Variants in B4GALT1 observed in about 807,000 individuals in gnomAD.
B4GALT1 encodes the protein N-acetyllactosamine synthase.
Under a neutral mutation model 34.9 loss-of-function variants are expected in B4GALT1, and 16 were observed. That is an observed-to-expected ratio of 0.46 (90% CI 0.31 to 0.70). The LOEUF (loss-of-function observed/expected upper bound fraction) is 0.70. Among genes scored for constraint, B4GALT1 ranks in the 30% least tolerant of loss-of-function variants. B4GALT1 has a pLI of 0.05. For missense variants in B4GALT1, 445 were observed against 530.5 expected (o/e 0.84, Z 1.58); for synonymous variants, 221 against 218.1 (o/e 1.01, Z -0.12).
At chr9:33,130,005 G>A (rs1473076807) in intron 2 of B4GALT1, among the ~76,000 whole-genome samples, 1 of 152,190 alleles carries the variant, frequency 6.6e-6, no homozygotes, top group Non-Finnish European at 1.5e-5. Flanking sequence ...AGGTTTAAAA[G>A]AGGAAGTAAC....
chr9:33,107,536 C>T (rs942398582), downstream of B4GALT1, among the ~76,000 whole-genome samples: 2 of 152,202 alleles, frequency 1.3e-5, no homozygotes, highest in African/African-American at 4.8e-5. Context: ...GGCCCCTTGG[C>T]CCTGCCTCCA....
At chr9:33,132,888 T>TTTTA (rs577132429) in intron 2 of B4GALT1, among the ~76,000 whole-genome samples, 21 of 152,070 alleles carry the variant, frequency 1.4e-4, no homozygotes, top group East Asian at 3.8e-4. Context: ...CAAGTATATA[T>TTTTA]TTTATTTATT....
intron 2 of B4GALT1, among the ~76,000 whole-genome samples, chr9:33,125,647 G>C (rs928418741): frequency 2.8e-5 from 4 of 142,806 alleles, no homozygotes; most frequent in African/African-American, 7.3e-5. Flanking sequence ...AGCAGCCTTT[G>C]TAGGGGCGGG....
chr9:33,113,804 CTT>C lies in B4GALT1; in HGVS notation c.1032_1033del (p.Asp346GlnfsTer4). 1 of 1,614,194 alleles carries C rather than the reference CTT, an allele frequency of 6.2e-7. No homozygotes were observed. The highest frequency in any genetic ancestry group is 8.5e-7 in the Non-Finnish European group (1 of 1,180,026). On this transcript the variant is annotated frameshift_variant, in exon 5 of 6. Coordinates refer to ENST00000379731, the MANE Select transcript of B4GALT1 (RefSeq NM_001497.4). LOFTEE classifies it high-confidence loss of function. ...AGGATTGGGTTCATTTTTCTTGTCT[CTT>C]GAGTGGCGGATCATGCGACACCTCC...
At chr9:33,136,859 T>C (rs1054961120) in intron 1 of B4GALT1, among the ~76,000 whole-genome samples, 3 of 152,226 alleles carry the variant, frequency 2.0e-5, no homozygotes, top group African/African-American at 7.2e-5. Context: ...GGCTTCAGCC[T>C]GCCCTGTTTA....
Position 33,111,281 on chromosome 9 carries a change from A to AAAAG in B4GALT1, c.*2172_*2173insCTTT, listed in dbSNP as rs1839858395. ...AAAAAAAAAAAAAAAAAAAAAAACAACAAGAAAAGGTAGAGTTTGGTTTTA... is the reference window on the plus strand; with the variant it reads ...AAAAAAAAAAAAAAAAAAAAAAACAAAAAGCAAGAAAAGGTAGAGTTTGGTTTTA... On this transcript the variant is annotated 3_prime_UTR_variant, in exon 6 of 6. Coordinates refer to ENST00000379731, the MANE Select transcript of B4GALT1 (RefSeq NM_001497.4). The AAAAG allele has an allele frequency of 7.5e-6, 1 of 133,946 alleles. No individual in the cohort carries two copies. The highest frequency in any genetic ancestry group is 1.6e-5 in the Non-Finnish European group (1 of 60,608). The allele number at this position is 133,946 out of a possible 1,614,324, so 8.3% of individuals were successfully genotyped here.
intron 5 of B4GALT1, 25 bp from the exon 6 acceptor site, chr9:33,113,611 A>AT (rs1839896480): frequency 6.2e-7 from 1 of 1,614,010 alleles, no homozygotes; most frequent in Non-Finnish European, 8.5e-7. Flanking sequence ...GCACAAGGAG[A>AT]TTGTCTTAAA....
chr9:33,152,780 G>A (rs915485589), intron 1 of B4GALT1, among the ~76,000 whole-genome samples: 2 of 152,066 alleles, frequency 1.3e-5, no homozygotes, highest in African/African-American at 2.4e-5. Context: ...AGGCTAAGGT[G>A]TGAGAATCAC....
chr9:33,139,862 G>A (rs1251736614), intron 1 of B4GALT1, among the ~76,000 whole-genome samples: 3 of 152,246 alleles, frequency 2.0e-5, no homozygotes, highest in Non-Finnish European at 4.4e-5. Flanking sequence ...ACAGGCTCTC[G>A]GCCCCGCTGG....
intron 2 of B4GALT1, among the ~76,000 whole-genome samples, chr9:33,133,639 C>T (rs1312813518): frequency 1.3e-5 from 2 of 152,246 alleles, no homozygotes; most frequent in African/African-American, 4.8e-5. Context: ...TGACCCACAA[C>T]TGCGTGGCTG....
chr9:33,113,351 A>G lies in B4GALT1; in HGVS notation c.*103T>C, dbSNP rs1839891378. On this transcript the variant is annotated 3_prime_UTR_variant, in exon 6 of 6. Coordinates refer to ENST00000379731, the MANE Select transcript of B4GALT1 (RefSeq NM_001497.4). Reference sequence around the variant, plus strand: ...GAATGATGAGCGAAGGGGACCTGTCACTCAGACTGGTAAAAATGAGAGGGA... The same window carrying G: ...GAATGATGAGCGAAGGGGACCTGTCGCTCAGACTGGTAAAAATGAGAGGGA... The G allele has an allele frequency of 6.6e-7, 1 of 1,526,562 alleles. No homozygotes were observed. The highest frequency in any genetic ancestry group is 9.1e-7 in the Non-Finnish European group (1 of 1,102,022). 94.6% of individuals were successfully genotyped at this position (1,526,562 alleles called of 1,614,324 possible).
rs1184067619 is a variant in B4GALT1 at position 33,135,277 on chromosome 9, C to T, written c.560G>A (p.Arg187Gln). ...TAGCCAGTACTTGAGGTGCTCCTGC[C>T]GGTTGCGGAATGGAATGATGATGGC... ...KVAIIIPFRN[R>Q]QEHLKYWLYY... is the part of the protein sequence containing the mutation. The change falls in exon 2 of 6, where the codon CGG becomes CAG. Residue 187 changes from arginine to glutamine, a missense_variant. By Grantham distance (43) the Arg-to-Gln change is conservative. This residue lies in a region of B4GALT1 where 349 missense variants were observed against 395.5 expected (regional missense o/e 0.88). Transcript: ENST00000379731. The T allele has an allele frequency of 3.1e-6, 5 of 1,614,038 alleles. No individual in the cohort carries two copies. The highest frequency in any genetic ancestry group is 4.2e-6 in the Non-Finnish European group (5 of 1,180,042).
chr9:33,116,530 T>TG (rs1839942059), intron 3 of B4GALT1, among the ~76,000 whole-genome samples: 1 of 147,132 alleles, frequency 6.8e-6, no homozygotes, highest in African/African-American at 2.5e-5. Context: ...TCTTTTTTTT[T>TG]TTTTTTTTTT....
At chr9:33,130,298 G>C (rs1371790184) in intron 2 of B4GALT1, among the ~76,000 whole-genome samples, 2 of 152,072 alleles carry the variant, frequency 1.3e-5, no homozygotes, top group Non-Finnish European at 2.9e-5. Context: ...CTCGTTTCCG[G>C]GTTTGAGTAT....
intron 1 of B4GALT1, among the ~76,000 whole-genome samples, chr9:33,162,968 T>C (rs1234958412): frequency 6.6e-6 from 1 of 152,124 alleles, no homozygotes; most frequent in Non-Finnish European, 1.5e-5. Context: ...TACATTATTT[T>C]CCACGAAAAA....
intron 1 of B4GALT1, among the ~76,000 whole-genome samples, chr9:33,142,073 C>T (rs1450583632): frequency 6.6e-6 from 1 of 152,110 alleles, no homozygotes; most frequent in East Asian, 1.9e-4. Context: ...ACCTCCGCCT[C>T]CTGGGTTCAA....
intron 4 of B4GALT1, among the ~76,000 whole-genome samples, chr9:33,115,661 G>A (rs1021124814): frequency 3.3e-5 from 5 of 152,220 alleles, no homozygotes; most frequent in Non-Finnish European, 7.3e-5. Context: ...CACAGTGAAA[G>A]GGGACCATAA....
chr9:33,139,920 C>T (rs1335951614), intron 1 of B4GALT1, among the ~76,000 whole-genome samples: 3 of 152,216 alleles, frequency 2.0e-5, no homozygotes, highest in South Asian at 2.1e-4. Context: ...GGCAGGGTTA[C>T]GTAAGCAGAT....
In B4GALT1 at chr9:33,113,267, T is replaced by A; in HGVS notation, c.*187A>T. 1 of 781,742 alleles carries A rather than the reference T, an allele frequency of 1.3e-6. No individual in the cohort carries two copies. The highest frequency in any genetic ancestry group is 1.6e-5 in the South Asian group (1 of 62,022). The allele number at this position is 781,742 out of a possible 1,614,324, so 48.4% of individuals were successfully genotyped here. On this transcript the variant is annotated 3_prime_UTR_variant, in exon 6 of 6. Coordinates refer to ENST00000379731, the MANE Select transcript of B4GALT1 (RefSeq NM_001497.4). ...CACCTTGCAGAGCTAAGAATTCACA[T>A]GCCGAGCCAAGTTGGGGGCAAAATA...
Sources: gnomAD v4.1 joint callset for allele counts (sites outside exome capture counted in the v4.1 genomes callset) on GRCh38, gnomAD v4.1.1 for gene constraint, gnomAD v4.1.1 regional missense constraint, MANE v1.5 for transcripts, NCBI Gene and HGNC (gene_info 2026-07-23, HGNC 2026-07-21) for gene names.